Variants in RFTN2 observed in about 807,000 individuals in gnomAD.
RFTN2 encodes raftlin-2.
Under a neutral mutation model 52.7 loss-of-function variants are expected in RFTN2, and 34 were observed. The ratio of observed to expected loss-of-function variants is 0.64; its 90% CI spans 0.49 to 0.86. RFTN2 has a LOEUF of 0.86. Among genes scored for constraint, RFTN2 ranks in the 40% least tolerant of loss-of-function variants. The pLI, the probability that RFTN2 is intolerant of heterozygous loss-of-function variation, is 0.00. For missense variants in RFTN2, 536 were observed against 600.1 expected (o/e 0.89, Z 1.12); for synonymous variants, 203 against 217.7 (o/e 0.93, Z 0.59).
At position 197,573,198 on chromosome 2, in the gene RFTN2, A is replaced by C. The variant is rs528296356; in HGVS notation, c.1234-918T>G. Among the ~76,000 whole-genome samples the C allele has an allele frequency of 3.9e-5, 6 of 152,320 alleles. No homozygotes were observed. The South Asian group carries it at 1.2e-3, about 32-fold the overall frequency. On this transcript the variant is annotated intron_variant, in intron 8 of 8. Coordinates refer to ENST00000295049, the MANE Select transcript of RFTN2 (RefSeq NM_144629.3). ...GGTTGGAACAGTTTGAAGGGCTCAGAAGAGGACAGGAAAATGTGGGAAACT... is the reference window on the plus strand; with the variant it reads ...GGTTGGAACAGTTTGAAGGGCTCAGCAGAGGACAGGAAAATGTGGGAAACT...
chr2:197,636,720 A>G (rs1258177547), intron 3 of RFTN2, among the ~76,000 whole-genome samples: 2 of 150,806 alleles, frequency 1.3e-5, no homozygotes, highest in East Asian at 1.9e-4. Flanking sequence ...TCCTAATTGA[A>G]TACCCTTTAT....
rs114347194 is a variant in RFTN2, at chr2:197,656,266, G to T, written c.140-9600C>A. Among the ~76,000 whole-genome samples, 407 of 152,236 alleles carry T rather than the reference G, an allele frequency of 2.7e-3. 3 individuals carry two copies. Among genetic ancestry groups the T allele is most frequent in the Admixed American group, 4.4e-3 (67 of 15,298 alleles). On this transcript the variant is annotated intron_variant, in intron 1 of 8. Transcript: ENST00000295049. Reference sequence around the variant, plus strand: ...AGAGAGTGTCTGGCACACAGTAAGTGCTCTACAACCATTGGTTGCTTTGTA... The same window carrying T: ...AGAGAGTGTCTGGCACACAGTAAGTTCTCTACAACCATTGGTTGCTTTGTA...
At chr2:197,670,540 G>A (rs192989775) in intron 1 of RFTN2, among the ~76,000 whole-genome samples, 1 of 152,014 alleles carries the variant, frequency 6.6e-6, no homozygotes, top group African/African-American at 2.4e-5. Flanking sequence ...AGCCAGGCAT[G>A]GTGGCACATG....
chr2:197,594,738 C>T (rs1374395198), intron 8 of RFTN2, among the ~76,000 whole-genome samples: 1 of 152,158 alleles, frequency 6.6e-6, no homozygotes, highest in Non-Finnish European at 1.5e-5. Flanking sequence ...ATTCTGTGTA[C>T]TTGGTCATTC....
At chr2:197,590,557 G>A (rs2087688988) in intron 8 of RFTN2, among the ~76,000 whole-genome samples, 1 of 152,196 alleles carries the variant, frequency 6.6e-6, no homozygotes, top group African/African-American at 2.4e-5. Context: ...TCCAGAATTG[G>A]TGGGTCCTTG....
At chr2:197,646,710 TGA>T (rs1420933704) in intron 1 of RFTN2, 44 bp from the exon 2 acceptor site, 34 of 1,439,956 alleles carry the variant, frequency 2.4e-5, no homozygotes, top group Admixed American at 1.4e-4. Flanking sequence ...TTCTTAAGAT[TGA>T]ATTATACATT....
intron 8 of RFTN2, among the ~76,000 whole-genome samples, chr2:197,591,366 G>A (rs895939723): frequency 6.6e-6 from 1 of 152,226 alleles, no homozygotes; most frequent in Non-Finnish European, 1.5e-5. Context: ...TAGACACAGG[G>A]TGCTGATTGG....
At chr2:197,636,665 T>C (rs1361555313) in intron 3 of RFTN2, among the ~76,000 whole-genome samples, 1 of 146,322 alleles carries the variant, frequency 6.8e-6, no homozygotes, top group Non-Finnish European at 1.5e-5. Flanking sequence ...TTTCTAGATA[T>C]ACAATCATGT....
At chr2:197,592,332 A>G (rs1181112772) in intron 8 of RFTN2, among the ~76,000 whole-genome samples, 1 of 152,160 alleles carries the variant, frequency 6.6e-6, no homozygotes, top group Non-Finnish European at 1.5e-5. Context: ...AGTAGCTGGG[A>G]TTACAGGCAT....
intron 8 of RFTN2, among the ~76,000 whole-genome samples, chr2:197,589,119 G>C (rs184728340): frequency 1.7e-4 from 25 of 149,876 alleles, no homozygotes; most frequent in Non-Finnish European, 3.4e-4. Context: ...TACTCAGGAG[G>C]CTGAGGCAGG....
chr2:197,628,616 G>C (rs943079740), intron 5 of RFTN2, among the ~76,000 whole-genome samples: 1 of 151,900 alleles, frequency 6.6e-6, no homozygotes, highest in African/African-American at 2.4e-5. Context: ...AGAAACAAGA[G>C]AGAAAGAGAA....
intron 1 of RFTN2, among the ~76,000 whole-genome samples, chr2:197,649,855 C>A (rs775139992): frequency 6.6e-6 from 1 of 152,174 alleles, no homozygotes; most frequent in African/African-American, 2.4e-5. Flanking sequence ...TAAGTTGCTA[C>A]TACATATAGA....
At chr2:197,627,435 G>T (rs2088383790) in intron 5 of RFTN2, among the ~76,000 whole-genome samples, 1 of 152,214 alleles carries the variant, frequency 6.6e-6, no homozygotes, top group Non-Finnish European at 1.5e-5. Context: ...CTAGCGCCTT[G>T]TAAGTAGGGA....
chr2:197,619,740 T>TAAAA (rs201532331), intron 5 of RFTN2, among the ~76,000 whole-genome samples: 3 of 126,964 alleles, frequency 2.4e-5, no homozygotes, highest in South Asian at 2.4e-4. Flanking sequence ...AATGATCAAT[T>TAAAA]AAAAAAAAAA....
chr2:197,634,698 TA>T (rs946216429), intron 3 of RFTN2, among the ~76,000 whole-genome samples: 2 of 142,612 alleles, frequency 1.4e-5, no homozygotes, highest in Non-Finnish European at 3.0e-5. Context: ...TTTTATTTTT[TA>T]TTTTTTTTTT....
intron 3 of RFTN2, among the ~76,000 whole-genome samples, chr2:197,641,754 C>T (rs2088678132): frequency 6.6e-6 from 1 of 152,182 alleles, no homozygotes; most frequent in African/African-American, 2.4e-5. Flanking sequence ...TTACACAAGG[C>T]AGCCGCTCAA....
chr2:197,604,993 T>G (rs1432347469), intron 7 of RFTN2, among the ~76,000 whole-genome samples: 1 of 152,106 alleles, frequency 6.6e-6, no homozygotes, highest in African/African-American at 2.4e-5. Context: ...ACTCCTGACC[T>G]CAGGTGACCC....
chr2:197,605,304 C>T (rs1389176463), intron 7 of RFTN2, among the ~76,000 whole-genome samples: 1 of 151,934 alleles, frequency 6.6e-6, no homozygotes, highest in Non-Finnish European at 1.5e-5. Flanking sequence ...CCAGCTCCGC[C>T]TCCCGGGTTC....
chr2:197,609,601 T>A (rs879434340), intron 7 of RFTN2, among the ~76,000 whole-genome samples: 5 of 152,264 alleles, frequency 3.3e-5, no homozygotes, highest in Non-Finnish European at 7.3e-5. Context: ...ACTCTGCTGA[T>A]AGTTTCTTTT....
Sources: gnomAD v4.1 joint callset for allele counts (sites outside exome capture counted in the v4.1 genomes callset) on GRCh38, gnomAD v4.1.1 for gene constraint, MANE v1.5 for transcripts, NCBI Gene and HGNC (gene_info 2026-07-23, HGNC 2026-07-21) for gene names.